The following NKAIN1 variants were observed in gnomAD, a reference collection of about 807,000 sequenced individuals.
NKAIN1 encodes the protein sodium/potassium-transporting ATPase subunit beta-1-interacting protein 1.
A neutral mutation model predicts 31.6 loss-of-function variants in NKAIN1; 13 were observed. The observed-to-expected ratio is 0.41, with a 90% confidence interval of 0.27 to 0.65. The LOEUF (loss-of-function observed/expected upper bound fraction) is 0.65, where lower values mean the gene tolerates loss of function less well. Among genes scored for constraint, NKAIN1 ranks in the 30% least tolerant of loss-of-function variants. The pLI is 0.30. For missense variants in NKAIN1, 193 were observed against 262.2 expected, an observed-to-expected ratio of 0.74 and a Z score of 1.82; for synonymous variants, 104 against 109.0, an observed-to-expected ratio of 0.95 and a Z score of 0.28.
In NKAIN1 at chr1:31,239,655, C is replaced by A; in HGVS notation, c.-108G>T. The A allele has an allele frequency of 2.0e-6, 1 of 496,684 alleles. No homozygotes were observed. Among genetic ancestry groups the A allele is most frequent in the Non-Finnish European group, 2.6e-6 (1 of 384,028 alleles). The allele number at this position is 496,684 out of a possible 1,614,324, so 30.8% of individuals were successfully genotyped here. ...CGTCCTCCCCGCTGGGCGCGCCGGG[C>A]GGCGGGGCCGGGCGCCTAGGGCCGG... On this transcript the variant is annotated 5_prime_UTR_variant, in exon 1 of 7. Coordinates refer to ENST00000373736, the MANE Select transcript of NKAIN1 (RefSeq NM_024522.3). This position sits in a 1 kb window ranked among gnomAD's most constrained non-coding sequence, Gnocchi z 4.8.
intron 1 of NKAIN1, among the ~76,000 whole-genome samples, chr1:31,205,456 G>A (rs1246762629): frequency 6.6e-6 from 1 of 151,892 alleles, no homozygotes; most frequent in African/African-American, 2.4e-5. Flanking sequence ...CTACGGGCAC[G>A]CCCCACCATG....
At position 31,226,641 on chromosome 1, in the gene NKAIN1, C is replaced by T. The variant is rs145512494; in HGVS notation, c.54+12853G>A. Reference sequence around the variant, plus strand: ...CCGGGTTCAAGCAATTCTCCTGCCTCGGCCTCTGGAGTAGCTGGGATTACA... The same window carrying T: ...CCGGGTTCAAGCAATTCTCCTGCCTTGGCCTCTGGAGTAGCTGGGATTACA... On this transcript the variant is annotated intron_variant, in intron 1 of 6. Coordinates refer to ENST00000373736, the MANE Select transcript of NKAIN1 (RefSeq NM_024522.3). 7.8e-3 allele frequency among the ~76,000 whole-genome samples: 1,186 copies of T among 151,822 alleles called. 12 individuals carry two copies. The highest frequency in any genetic ancestry group is 0.027 in the African/African-American group (1,124 of 41,384).
Position 31,239,389 on chromosome 1 carries a change from C to A in NKAIN1, c.54+105G>T. On this transcript the variant is annotated intron_variant, in intron 1 of 6. Coordinates refer to ENST00000373736, the MANE Select transcript of NKAIN1 (RefSeq NM_024522.3). The surrounding 1 kb of genome is among the most constrained non-coding windows in gnomAD (Gnocchi z 4.8). ...AGACCACCCCCCGCCCGGGCACACGCACCAGACACACACACAGAGACACAC... is the reference window on the plus strand; with the variant it reads ...AGACCACCCCCCGCCCGGGCACACGAACCAGACACACACACAGAGACACAC... 1 of 835,558 alleles carries A rather than the reference C, an allele frequency of 1.2e-6. No homozygotes were observed. The highest frequency in any genetic ancestry group is 1.7e-6 in the Non-Finnish European group (1 of 603,314). 51.8% of individuals were successfully genotyped at this position (835,558 alleles called of 1,614,324 possible). A position where few individuals can be genotyped will look rare whatever the true frequency, so the allele number is the denominator to read the frequency against.
chr1:31,209,045 A>G (rs1645446556), intron 1 of NKAIN1, among the ~76,000 whole-genome samples: 1 of 152,220 alleles, frequency 6.6e-6, no homozygotes, highest in Non-Finnish European at 1.5e-5. Flanking sequence ...TGGCTTTAAC[A>G]GGAAGACCAT....
At chr1:31,191,783 A>G (rs1434698889) in intron 1 of NKAIN1, among the ~76,000 whole-genome samples, 1 of 152,000 alleles carries the variant, frequency 6.6e-6, no homozygotes, top group East Asian at 1.9e-4. Context: ...TTTTTATTTT[A>G]TATTTTATTT....
In NKAIN1 at chr1:31,197,237, G is replaced by T. The variant is rs184468622; in HGVS notation, c.55-9050C>A. 3.5e-3 allele frequency among the ~76,000 whole-genome samples: 533 copies of T among 150,174 alleles called. 5 individuals are homozygous for T. The highest frequency in any genetic ancestry group is 9.2e-3 in the African/African-American group (375 of 40,866). Reference sequence around the variant, plus strand: ...CGCCATTCTCCTGCCTCAGCCTCCCGAGTAGCTGGGACTACAGGCACCCAC... The same window carrying T: ...CGCCATTCTCCTGCCTCAGCCTCCCTAGTAGCTGGGACTACAGGCACCCAC... On this transcript the variant is annotated intron_variant, in intron 1 of 6. Transcript: ENST00000373736.
At chr1:31,217,468 G>A (rs1040709797) in intron 1 of NKAIN1, among the ~76,000 whole-genome samples, 6 of 152,048 alleles carry the variant, frequency 3.9e-5, no homozygotes, top group African/African-American at 1.5e-4. Context: ...GCCTGGCCTT[G>A]CATTATGATT....
chr1:31,197,116 T>C (rs1438669100), intron 1 of NKAIN1, among the ~76,000 whole-genome samples: 1 of 149,428 alleles, frequency 6.7e-6, no homozygotes, highest in African/African-American at 2.5e-5. Context: ...TTTTTTTTTT[T>C]TTTTTTTCTT....
chr1:31,197,391 G>A (rs1029524147), intron 1 of NKAIN1, among the ~76,000 whole-genome samples: 13 of 151,774 alleles, frequency 8.6e-5, no homozygotes, highest in South Asian at 4.2e-4. Flanking sequence ...GATTACAGGC[G>A]TGAGCTACCA....
In NKAIN1 at chr1:31,226,698, A is replaced by G. The variant is rs148838779; in HGVS notation, c.54+12796T>C. On this transcript the variant is annotated intron_variant, in intron 1 of 6. Transcript: ENST00000373736. The stretch of plus-strand genomic sequence containing the variant: ...CACCACCACACCCAGCTAATTTTGT[A>G]TATTTAGTAGAGACGGGGTTTCACC... Among the ~76,000 whole-genome samples, 1,170 of 151,172 alleles carry G rather than the reference A, an allele frequency of 7.7e-3. 22 individuals carry two copies. The highest frequency in any genetic ancestry group is 0.027 in the African/African-American group (1,124 of 41,176).
At chr1:31,212,085 G>A (rs760998386) in intron 1 of NKAIN1, among the ~76,000 whole-genome samples, 34 of 152,168 alleles carry the variant, frequency 2.2e-4, no homozygotes, top group Middle Eastern at 3.2e-3. Flanking sequence ...TCAAGACAGT[G>A]TGGTACTAGC....
At chr1:31,231,522 TTTG>T (rs71569973) in intron 1 of NKAIN1, among the ~76,000 whole-genome samples, 9,407 of 150,726 alleles carry the variant, frequency 0.062, 398 homozygotes, top group Admixed American at 0.16. Context: ...TTTGTTGTTG[TTTG>T]TTGTTGTTGT....
intron 1 of NKAIN1, among the ~76,000 whole-genome samples, chr1:31,213,715 T>C (rs868744550): frequency 1.8e-4 from 28 of 152,012 alleles, no homozygotes; most frequent in African/African-American, 6.5e-4. Context: ...GCAACACAAG[T>C]TGGGTGCAGT....
chr1:31,193,071 A>T lies in NKAIN1; in HGVS notation c.55-4884T>A, dbSNP rs200176366. 2.8e-4 allele frequency among the ~76,000 whole-genome samples: 41 copies of T among 145,922 alleles called. 1 individual carries two copies. In the East Asian group the frequency reaches 5.2e-3, roughly 18 times the overall value. On this transcript the variant is annotated intron_variant, in intron 1 of 6. Transcript: ENST00000373736. ...ATTTTATTTTATTATTTATTTTTTT[A>T]TTTTTTTATTTTTTTGAGACGGAGT...
intron 1 of NKAIN1, among the ~76,000 whole-genome samples, chr1:31,191,092 A>T (rs914939914): frequency 3.3e-5 from 5 of 152,332 alleles, no homozygotes; most frequent in Non-Finnish European, 7.4e-5. Context: ...GGAGCTCAAG[A>T]CCAGCCTGGC....
At chr1:31,215,472 G>A (rs1227105033) in intron 1 of NKAIN1, among the ~76,000 whole-genome samples, 4 of 152,150 alleles carry the variant, frequency 2.6e-5, no homozygotes, top group Non-Finnish European at 4.4e-5. Flanking sequence ...CCATCAGACC[G>A]CCCGGGACAC....
chr1:31,184,363 G>A lies in NKAIN1; in HGVS notation c.274-349C>T, dbSNP rs532187193. Among the ~76,000 whole-genome samples, 20 of 152,200 alleles carry A rather than the reference G, an allele frequency of 1.3e-4. 1 individual carries two copies. Among genetic ancestry groups the A allele is most frequent in the African/African-American group, 4.6e-4 (19 of 41,514 alleles). ...GCGACCCTGGGCGAACCTCTCCTTT[G>A]GGGCCTTGGTCTCCACATTTGTTAA... is the stretch of plus-strand genomic sequence containing the variant. On this transcript the variant is annotated intron_variant, in intron 3 of 6. Transcript: ENST00000373736.
At chr1:31,203,114 A>G (rs555020648) in intron 1 of NKAIN1, among the ~76,000 whole-genome samples, 4 of 151,360 alleles carry the variant, frequency 2.6e-5, no homozygotes, top group African/African-American at 9.7e-5. Context: ...TCTACAAAAA[A>G]TACAAAAATT....
At position 31,239,222 on chromosome 1, in the gene NKAIN1, T is replaced by C. The variant is rs1412394911; in HGVS notation, c.54+272A>G. On this transcript the variant is annotated intron_variant, in intron 1 of 6. Transcript: ENST00000373736. The surrounding 1 kb of genome is among the most constrained non-coding windows in gnomAD (Gnocchi z 4.8). ...AGCGCATCCCCCAACAGGAGGCCACTTGTACAGTGCGGGCGGGCCGGGGAC... is the reference window on the plus strand; with the variant it reads ...AGCGCATCCCCCAACAGGAGGCCACCTGTACAGTGCGGGCGGGCCGGGGAC... 6.6e-6 allele frequency among the ~76,000 whole-genome samples: 1 copy of C among 152,072 alleles called. No individual in the cohort carries two copies. Among genetic ancestry groups the C allele is most frequent in the African/African-American group, 2.4e-5 (1 of 41,424 alleles).
Sources: gnomAD v4.1 joint callset for allele counts (sites outside exome capture counted in the v4.1 genomes callset) on GRCh38, gnomAD v4.1.1 for gene constraint, Gnocchi (gnomAD v3.1) non-coding constraint, MANE v1.5 for transcripts, NCBI Gene and HGNC (gene_info 2026-07-23, HGNC 2026-07-21) for gene names.